Variants in SNX29 observed in about 807,000 individuals in gnomAD.
SNX29 encodes sorting nexin-29.
SNX29 carries 78 observed loss-of-function variants against 102.1 expected under a neutral mutation model. The observed-to-expected ratio is 0.76, with a 90% CI of 0.64 to 0.92. The LOEUF (loss-of-function observed/expected upper bound fraction) is 0.92, where lower values mean the gene tolerates loss of function less well. Among genes scored for constraint, SNX29 ranks in the 40% least tolerant of loss-of-function variants. SNX29 has a pLI of 0.00. For synonymous variants in SNX29, 580 were observed against 414.5 expected, an observed-to-expected ratio of 1.40 and a Z score of -4.85; for missense variants, 1,280 against 1,061.7, an observed-to-expected ratio of 1.21 and a Z score of -2.86.
At chr16:12,463,860 T>C (rs2086930079) in intron 18 of SNX29, among the ~76,000 whole-genome samples, 1 of 117,690 alleles carries the variant, frequency 8.5e-6, no homozygotes, top group African/African-American at 3.0e-5. Flanking sequence ...GTGTGAGAGA[T>C]GACACTTAAA....
chr16:12,173,930 C>T (rs1228512668), intron 13 of SNX29, among the ~76,000 whole-genome samples: 1 of 152,176 alleles, frequency 6.6e-6, no homozygotes, highest in Admixed American at 6.5e-5. Flanking sequence ...CAAGTATGCC[C>T]CACCATGCTG....
At chr16:12,549,555 G>C (rs920373770) in intron 20 of SNX29, among the ~76,000 whole-genome samples, 2 of 152,154 alleles carry the variant, frequency 1.3e-5, no homozygotes, top group Non-Finnish European at 2.9e-5. Flanking sequence ...GCATGGAGTG[G>C]GCTTCCACCC....
intron 20 of SNX29, among the ~76,000 whole-genome samples, chr16:12,561,726 C>T (rs566655518): frequency 6.6e-6 from 1 of 152,150 alleles, no homozygotes; most frequent in African/African-American, 2.4e-5. Context: ...AAGTTGCTAG[C>T]AGCAGGGAGG....
intron 19 of SNX29, among the ~76,000 whole-genome samples, chr16:12,483,050 T>G (rs1427221788): frequency 6.6e-6 from 1 of 151,278 alleles, no homozygotes; most frequent in Non-Finnish European, 1.5e-5. Flanking sequence ...CAGTTCACCA[T>G]TCGATGAAGT....
intron 16 of SNX29, among the ~76,000 whole-genome samples, chr16:12,369,800 T>C (rs1327227507): frequency 2.0e-5 from 3 of 152,234 alleles, no homozygotes; most frequent in Non-Finnish European, 1.5e-5. Flanking sequence ...ATTATACTTA[T>C]TCCTTAATTT....
At chr16:12,232,520 GAAAC>G (rs146838564) in intron 14 of SNX29, among the ~76,000 whole-genome samples, 2,622 of 152,296 alleles carry the variant, frequency 0.017, 89 homozygotes, top group African/African-American at 0.06. Context: ...GACTCGGCCA[GAAAC>G]AAACAAATAA....
intron 14 of SNX29, among the ~76,000 whole-genome samples, chr16:12,216,823 C>T (rs1038656447): frequency 3.3e-5 from 5 of 150,620 alleles, no homozygotes; most frequent in African/African-American, 9.8e-5. Flanking sequence ...TTCATCTTCT[C>T]CATTTCTAGT....
chr16:12,040,900 G>C (rs546065868), intron 4 of SNX29, among the ~76,000 whole-genome samples: 1 of 152,062 alleles, frequency 6.6e-6, no homozygotes, highest in Non-Finnish European at 1.5e-5. Context: ...TGCAACCTCC[G>C]TCTCCTGGGT....
At chr16:12,324,040 C>G (rs1340368520) in intron 15 of SNX29, among the ~76,000 whole-genome samples, 1 of 152,042 alleles carries the variant, frequency 6.6e-6, no homozygotes, top group East Asian at 1.9e-4. Flanking sequence ...TCCATGGGGC[C>G]TGAGATCCAG....
intron 13 of SNX29, among the ~76,000 whole-genome samples, chr16:12,181,108 C>T (rs1456028246): frequency 1.3e-5 from 2 of 152,216 alleles, no homozygotes; most frequent in Admixed American, 6.5e-5. Flanking sequence ...CTTGCGCTCA[C>T]CTGCTAGGGG....
At chr16:12,213,330 C>G (rs1451546696) in intron 14 of SNX29, among the ~76,000 whole-genome samples, 1 of 152,028 alleles carries the variant, frequency 6.6e-6, no homozygotes, top group East Asian at 1.9e-4. Flanking sequence ...AAACTCTGAG[C>G]AGGAGGGGAG....
intron 20 of SNX29, among the ~76,000 whole-genome samples, chr16:12,545,330 G>T (rs376603376): frequency 8.4e-6 from 1 of 119,490 alleles, no homozygotes; most frequent in Admixed American, 8.0e-5. Flanking sequence ...CCAGAGAAAG[G>T]GTGTCACATA....
intron 9 of SNX29, among the ~76,000 whole-genome samples, chr16:12,067,872 A>G (rs16953016): frequency 0.019 from 2,848 of 152,284 alleles, 65 homozygotes; most frequent in African/African-American, 0.047. Flanking sequence ...ATGGATTTGC[A>G]TGTTTTCCTG....
intron 13 of SNX29, among the ~76,000 whole-genome samples, chr16:12,151,391 T>C (rs533073621): frequency 3.2e-4 from 49 of 152,362 alleles, no homozygotes; most frequent in African/African-American, 1.1e-3. Flanking sequence ...TTTGTTTGAG[T>C]GGGTTCTGAT....
chr16:12,494,458 A>C (rs1597601858), intron 19 of SNX29, among the ~76,000 whole-genome samples: 1 of 152,280 alleles, frequency 6.6e-6, no homozygotes, highest in Middle Eastern at 3.4e-3. Context: ...GGGTATTGGC[A>C]TGAAGGAACG....
intron 18 of SNX29, among the ~76,000 whole-genome samples, chr16:12,452,938 T>G (rs1250598140): frequency 6.6e-6 from 1 of 152,180 alleles, no homozygotes; most frequent in Non-Finnish European, 1.5e-5. Flanking sequence ...GTAAGAGGAA[T>G]AATTTAGAGC....
At chr16:12,157,540 C>A (rs1016333677) in intron 13 of SNX29, among the ~76,000 whole-genome samples, 2 of 152,222 alleles carry the variant, frequency 1.3e-5, no homozygotes, top group Non-Finnish European at 2.9e-5. Context: ...CCTCAGGCCA[C>A]TGTGTAGCAC....
At chr16:12,539,463 A>C (rs774993544) in intron 20 of SNX29, among the ~76,000 whole-genome samples, 1 of 152,200 alleles carries the variant, frequency 6.6e-6, no homozygotes, top group African/African-American at 2.4e-5. Context: ...GGTTAAATGG[A>C]TATACCACGG....
At chr16:12,196,763 G>A (rs2141946766) in intron 13 of SNX29, among the ~76,000 whole-genome samples, 1 of 152,030 alleles carries the variant, frequency 6.6e-6, no homozygotes, top group East Asian at 1.9e-4. Context: ...TGGGATTACA[G>A]GCACATGCCA....
Sources: allele counts gnomAD v4.1 joint callset (sites outside exome capture counted in the v4.1 genomes callset), GRCh38; gene constraint gnomAD v4.1.1; transcripts MANE v1.5; gene names NCBI Gene and HGNC (gene_info 2026-07-23, HGNC 2026-07-21).